Variants in CCDC61 observed in about 807,000 individuals in gnomAD.
CCDC61 encodes centrosomal protein CCDC61.
Under a neutral mutation model 63.0 loss-of-function variants are expected in CCDC61, and 55 were observed. The observed-to-expected ratio is 0.87, with a 90% CI of 0.70 to 1.09. CCDC61 has a LOEUF of 1.09. Among genes scored for constraint, CCDC61 ranks in the 50% least tolerant of loss-of-function variants. The pLI, the probability that CCDC61 is intolerant of heterozygous loss-of-function variation, is 0.00. For missense variants in CCDC61, 651 were observed against 731.4 expected (o/e 0.89, Z 1.27); for synonymous variants, 270 against 317.0 (o/e 0.85, Z 1.58).
chr19:46,004,833 A>G (rs1407056799), intron 3 of CCDC61, among the ~76,000 whole-genome samples: 1 of 128,296 alleles, frequency 7.8e-6, no homozygotes, highest in East Asian at 2.4e-4. Context: ...GTATTTAGAT[A>G]TCTTTTTTTT....
chr19:46,011,690 T>C (rs1026303363), intron 5 of CCDC61, among the ~76,000 whole-genome samples: 9 of 152,232 alleles, frequency 5.9e-5, no homozygotes, highest in Non-Finnish European at 1.0e-4. Flanking sequence ...CTCCCTCTTT[T>C]ATAAAGTTCT....
chr19:46,014,288 CT>C lies in CCDC61; in HGVS notation c.552-755del, dbSNP rs199891241. Among the ~76,000 whole-genome samples, 5 of 152,094 alleles carry C rather than the reference CT, an allele frequency of 3.3e-5. 1 individual carries two copies. The highest frequency in any genetic ancestry group is 4.1e-4 in the South Asian group (2 of 4,824). On this transcript the variant is annotated intron_variant, in intron 5 of 13. Transcript: ENST00000595358. ...ATTTTCCCCTTCCCCATAAATAATC[CT>C]TTTTTCCCCCATAGATTTTGGTTTA...
At chr19:46,006,451 C>A in intron 3 of CCDC61, 108 bp from the exon 4 acceptor site, 1 of 1,137,566 alleles carries the variant, frequency 8.8e-7, no homozygotes, top group Non-Finnish European at 1.2e-6. Context: ...CGTAGGAAAG[C>A]CTAGCCCGCC....
At chr19:46,007,519 G>A (rs913808618) in intron 4 of CCDC61, among the ~76,000 whole-genome samples, 2 of 152,136 alleles carry the variant, frequency 1.3e-5, no homozygotes, top group African/African-American at 4.8e-5. Flanking sequence ...ACTCCCAACA[G>A]ATTTCCTGTA....
At position 46,008,284 on chromosome 19, in the gene CCDC61, C is replaced by T. The variant is rs1968753669; in HGVS notation, c.534C>T (p.Ile178=). 7.3e-7 allele frequency: 1 copy of T among 1,378,958 alleles called. No homozygotes were observed. The allele number at this position is 1,378,958 out of a possible 1,614,324, so 85.4% of individuals were successfully genotyped here. Residue 178 remains isoleucine (I), a synonymous_variant, in exon 5 of 14, where the codon ATC becomes ATT. Coordinates refer to ENST00000595358, the MANE Select transcript of CCDC61 (RefSeq NM_001267723.2). ...QNTRDTRENE[I]WHLREQVSRL... ...CTCGGGACACCCGGGAGAATGAGAT[C>T]TGGCATCTGCGGGAGCAGTGAGTCT...
chr19:46,014,911 TC>T, intron 5 of CCDC61, 137 bp from the exon 6 acceptor site: 1 of 655,594 alleles, frequency 1.5e-6, no homozygotes, highest in South Asian at 2.3e-5. Flanking sequence ...ACCCTGCCCC[TC>T]CCCATGGGGT....
In CCDC61 at chr19:46,006,679, C is replaced by G; in HGVS notation, c.352C>G (p.Arg118Gly). The change falls in exon 4 of 14, where the codon CGC (arginine) becomes GGC (glycine). Residue 118 changes from arginine (R) to glycine (G), a missense_variant. Arg to Gly is a moderately radical substitution (Grantham distance 125, BLOSUM62 -2). Coordinates refer to ENST00000595358, the MANE Select transcript of CCDC61 (RefSeq NM_001267723.2). ...APRSAQLNSK[R>G]YLILIYSVEF... ...CAGGTCGGCCCAGCTCAACTCCAAG[C>G]GCTACCTGATCCTCATCTACTCCGT... The G allele has an allele frequency of 6.2e-7, 1 of 1,613,534 alleles. No individual in the cohort carries two copies. Among genetic ancestry groups the G allele is most frequent in the Non-Finnish European group, 8.5e-7 (1 of 1,179,678 alleles).
intron 5 of CCDC61, among the ~76,000 whole-genome samples, chr19:46,009,823 T>C (rs1405628884): frequency 9.5e-5 from 9 of 94,878 alleles, no homozygotes; most frequent in East Asian, 4.6e-4. Context: ...TGTATGTGTG[T>C]GTGTGTGTGT....
At position 46,011,064 on chromosome 19, in the gene CCDC61, T is replaced by G. The variant is rs542112753; in HGVS notation, c.551+2763T>G. ...TTTCTTTTCTTTTCTTTCTTTCTTT[T>G]TTTTTTTTTCAGTCTTGCTCTGTTG... On this transcript the variant is annotated intron_variant, in intron 5 of 13. Transcript: ENST00000595358. Among the ~76,000 whole-genome samples, 11 of 152,162 alleles carry G rather than the reference T, an allele frequency of 7.2e-5. 1 individual carries two copies. In the South Asian group the frequency reaches 2.3e-3, roughly 32 times the overall value.
In CCDC61 at chr19:46,005,102, C is replaced by T. The variant is rs149043446; in HGVS notation, c.232-1457C>T. Among the ~76,000 whole-genome samples the T allele has an allele frequency of 1.7e-3, 254 of 152,088 alleles. 1 individual carries two copies. Among genetic ancestry groups the T allele is most frequent in the African/African-American group, 5.8e-3 (241 of 41,490 alleles). ...ATTGGCTCACTGCAACCTCCGCCTC[C>T]CGATTTCAAGCAATTCTCCTATTTC... On this transcript the variant is annotated intron_variant, in intron 3 of 13. Transcript: ENST00000595358.
intron 5 of CCDC61, among the ~76,000 whole-genome samples, chr19:46,010,094 C>T (rs1968800164): frequency 6.6e-6 from 1 of 152,236 alleles, no homozygotes; most frequent in Non-Finnish European, 1.5e-5. Context: ...GCCAGGCACA[C>T]TGCCTGACGC....
intron 5 of CCDC61, among the ~76,000 whole-genome samples, chr19:46,009,837 T>TGTGTGTGTGTGC (rs1272891549): frequency 1.3e-5 from 2 of 151,230 alleles, no homozygotes; most frequent in Admixed American, 6.6e-5. Flanking sequence ...TGTGTGTGTG[T>TGTGTGTGTGTGC]GCGCGCGCGT....
Position 46,016,770 on chromosome 19 carries a change from C to G in CCDC61, c.1168C>G (p.Pro390Ala). 1 of 1,562,742 alleles carries G rather than the reference C, an allele frequency of 6.4e-7. No individual in the cohort carries two copies. The change falls in exon 10 of 14, where the codon CCC becomes GCC. Residue 390 changes from proline (P) to alanine (A), a missense_variant. Transcript: ENST00000595358. This position sits in a 1 kb window ranked among gnomAD's most constrained non-coding sequence, Gnocchi z 7.2. ...PSVSWSRQTQ[P>A]PAALTGRGDA... ...CGTCTCCTGGTCTCGCCAGACCCAG[C>G]CCCCTGCTGCCTTGACTGGCCGAGG... is the stretch of plus-strand genomic sequence containing the variant.
chr19:46,004,428 G>T (rs1447194372), intron 3 of CCDC61, among the ~76,000 whole-genome samples: 1 of 152,052 alleles, frequency 6.6e-6, no homozygotes. Context: ...TGGAGAGACA[G>T]ACAAATGAAA....
rs1301948615 is a variant in CCDC61, at chr19:46,003,401, A to C, written c.149-18A>C. On this transcript the variant is annotated intron_variant, in intron 2 of 13. Coordinates refer to ENST00000595358, the MANE Select transcript of CCDC61 (RefSeq NM_001267723.2). Reference sequence around the variant, plus strand: ...GGCAAGCGGTCAGACCTCAGGAGAGACTTTTCTCCCCACCCAGTCATTGAA... The same window carrying C: ...GGCAAGCGGTCAGACCTCAGGAGAGCCTTTTCTCCCCACCCAGTCATTGAA... The C allele has an allele frequency of 6.2e-7, 1 of 1,610,940 alleles. No homozygotes were observed. The highest frequency in any genetic ancestry group is 1.7e-5 in the Admixed American group (1 of 59,862).
At position 46,017,323 on chromosome 19, in the gene CCDC61, A is replaced by G. The variant is rs1332516208; in HGVS notation, c.1368+19A>G. The stretch of plus-strand genomic sequence containing the variant: ...CAATATGGTGAGTAGAAGGGGCAAC[A>G]TAAACCACTGGAACACAGCTGCCCC... On this transcript the variant is annotated intron_variant, in intron 12 of 13. Coordinates refer to ENST00000595358, the MANE Select transcript of CCDC61 (RefSeq NM_001267723.2). 1 of 1,552,770 alleles carries G rather than the reference A, an allele frequency of 6.4e-7. No individual in the cohort carries two copies. Among genetic ancestry groups the G allele is most frequent in the South Asian group, 1.2e-5 (1 of 84,208 alleles).
chr19:46,007,125 C>T (rs778259786), intron 4 of CCDC61, among the ~76,000 whole-genome samples: 1 of 151,552 alleles, frequency 6.6e-6, no homozygotes, highest in Admixed American at 6.6e-5. Flanking sequence ...CTTGGCTCAC[C>T]GCAACCTCTC....
chr19:46,014,080 G>C (rs1968878918), intron 5 of CCDC61, among the ~76,000 whole-genome samples: 1 of 151,938 alleles, frequency 6.6e-6, no homozygotes, highest in Non-Finnish European at 1.5e-5. Flanking sequence ...TATTTTTATA[G>C]TTCCAAAACT....
In CCDC61 at chr19:46,006,591, C is replaced by G. The variant is rs1307596174; in HGVS notation, c.264C>G (p.Thr88=). 6.2e-7 allele frequency: 1 copy of G among 1,611,780 alleles called. No homozygotes were observed. The highest frequency in any genetic ancestry group is 8.5e-7 in the Non-Finnish European group (1 of 1,178,666). ...SSESVTLDLL[T]YTDLESLRNR... ...AGTCAGTCACCCTGGACCTGCTGAC[C>G]TACACAGACCTGGAGTCCCTGCGGA... Residue 88 remains threonine (T), a synonymous_variant, in exon 4 of 14, where the codon ACC becomes ACG. Transcript: ENST00000595358.
Sources: allele counts gnomAD v4.1 joint callset (sites outside exome capture counted in the v4.1 genomes callset), GRCh38; gene constraint gnomAD v4.1.1; non-coding constraint Gnocchi (gnomAD v3.1); transcripts MANE v1.5; gene names NCBI Gene and HGNC (gene_info 2026-07-23, HGNC 2026-07-21).